AKAP7: variants seen among roughly 807,000 people sequenced by gnomAD.
AKAP7 encodes A kinase (PRKA) anchor protein 7.
A neutral mutation model predicts 39.5 loss-of-function variants in AKAP7; 39 were observed. That is an observed-to-expected ratio of 0.99 (90% CI 0.76 to 1.29). The LOEUF is 1.29. AKAP7 is among the 50% of genes most tolerant of loss of function. The pLI, the probability that AKAP7 is intolerant of heterozygous loss-of-function variation, is 0.00. For missense variants in AKAP7, 414 were observed against 407.7 expected (o/e 1.02, Z -0.13); for synonymous variants, 140 against 139.1 (o/e 1.01, Z -0.05).
At chr6:131,226,397 G>A (rs1810170466) in intron 7 of AKAP7, among the ~76,000 whole-genome samples, 1 of 152,224 alleles carries the variant, frequency 6.6e-6, no homozygotes, top group Non-Finnish European at 1.5e-5. Context: ...AGCTTTGGGT[G>A]ACATTATGCC....
chr6:131,221,804 C>T (rs993541727), intron 7 of AKAP7, among the ~76,000 whole-genome samples: 1 of 151,948 alleles, frequency 6.6e-6, no homozygotes, highest in Non-Finnish European at 1.5e-5. Context: ...AACTACTGCT[C>T]AGAAAAAAAA....
intron 7 of AKAP7, among the ~76,000 whole-genome samples, chr6:131,273,823 C>A (rs916824271): frequency 4.6e-5 from 7 of 151,918 alleles, no homozygotes; most frequent in African/African-American, 1.7e-4. Flanking sequence ...GACATTTCTT[C>A]TAGTGCTGGT....
intron 7 of AKAP7, among the ~76,000 whole-genome samples, chr6:131,241,609 G>GTATATACGTATATATA (rs1176516314): frequency 2.2e-5 from 3 of 135,446 alleles, no homozygotes; most frequent in African/African-American, 8.1e-5. Flanking sequence ...GTGTGTGTGT[G>GTATATACGTATATATA]TGTGTGTGTG....
upstream of AKAP7, among the ~76,000 whole-genome samples, chr6:131,133,388 C>T (rs1051212415): frequency 6.6e-6 from 1 of 152,054 alleles, no homozygotes; most frequent in African/African-American, 2.4e-5. Flanking sequence ...TTTGATAGTC[C>T]CCATTTGTCT....
At chr6:131,241,627 G>GTGTGTGTGTGTATATATA in intron 7 of AKAP7, among the ~76,000 whole-genome samples, 1 of 86,638 alleles carries the variant, frequency 1.2e-5, no homozygotes, top group African/African-American at 5.0e-5. Flanking sequence ...GTGTGTGTGT[G>GTGTGTGTGTGTATATATA]TATATATATA....
intron 2 of AKAP7, among the ~76,000 whole-genome samples, chr6:131,155,608 C>T (rs1802349464): frequency 6.6e-6 from 1 of 152,074 alleles, no homozygotes; most frequent in South Asian, 2.1e-4. Flanking sequence ...ATTTAATTTC[C>T]TATATGACTA....
chr6:131,205,789 A>G (rs918501203), intron 6 of AKAP7, among the ~76,000 whole-genome samples: 1 of 152,216 alleles, frequency 6.6e-6, no homozygotes, highest in Non-Finnish European at 1.5e-5. Context: ...TTGCATAATA[A>G]AACATCAAAA....
chr6:131,132,261 C>T (rs545291569), upstream of AKAP7, among the ~76,000 whole-genome samples: 2 of 150,936 alleles, frequency 1.3e-5, no homozygotes, highest in African/African-American at 2.4e-5. Flanking sequence ...TGCAGTGAGC[C>T]GAGATTGCGC....
At chr6:131,215,042 A>G (rs1319280595) in intron 6 of AKAP7, among the ~76,000 whole-genome samples, 2 of 152,220 alleles carry the variant, frequency 1.3e-5, no homozygotes, top group Non-Finnish European at 2.9e-5. Context: ...AAAAGTTCTT[A>G]GAACAGTGCC....
intron 7 of AKAP7, among the ~76,000 whole-genome samples, chr6:131,267,776 C>T (rs1294788404): frequency 6.6e-6 from 1 of 152,134 alleles, no homozygotes; most frequent in Non-Finnish European, 1.5e-5. Context: ...AAATATTTTC[C>T]CCTAGACGGA....
At chr6:131,187,497 TA>T (rs1409160014) in intron 5 of AKAP7, among the ~76,000 whole-genome samples, 1 of 152,118 alleles carries the variant, frequency 6.6e-6, no homozygotes, top group Non-Finnish European at 1.5e-5. Context: ...ACTTTAAAAA[TA>T]AAGGCCTTTT....
At position 131,160,001 on chromosome 6, in the gene AKAP7, T is replaced by A. The variant is rs918490399; in HGVS notation, c.152-58T>A. On this transcript the variant is annotated intron_variant, in intron 2 of 7. Transcript: ENST00000431975. ...CTTATATATTGCTTGTTTTTTTTTC[T>A]GACTGTATTATCTTTGTTTAAATGT... The A allele has an allele frequency of 8.7e-6, 12 of 1,381,130 alleles. No individual in the cohort carries two copies. The African/African-American group carries it at 1.8e-4, about 21-fold the overall frequency. 85.6% of individuals were successfully genotyped at this position (1,381,130 alleles called of 1,614,324 possible).
intron 5 of AKAP7, among the ~76,000 whole-genome samples, chr6:131,198,979 C>T (rs2128280628): frequency 6.6e-6 from 1 of 152,308 alleles, no homozygotes; most frequent in South Asian, 2.1e-4. Flanking sequence ...CATCTCCTTA[C>T]ACAAGACCTT....
intron 3 of AKAP7, 108 bp from the exon 4 acceptor site, chr6:131,164,973 T>C (rs1188358088): frequency 1.2e-6 from 1 of 823,354 alleles, no homozygotes; most frequent in East Asian, 2.7e-5. Flanking sequence ...AACATTGTTC[T>C]AATTTTGGTT....
chr6:131,261,491 C>T (rs901348190), intron 7 of AKAP7, among the ~76,000 whole-genome samples: 3 of 151,866 alleles, frequency 2.0e-5, no homozygotes, highest in South Asian at 4.1e-4. Context: ...TTAATTTTCT[C>T]TAAAATTAGT....
the AKAP7 span, among the ~76,000 whole-genome samples, chr6:131,127,279 C>T: frequency 6.6e-6 from 1 of 152,108 alleles, no homozygotes; most frequent in East Asian, 1.9e-4. Context: ...AAGTCATCTG[C>T]CCACCTTGGC....
chr6:131,270,300 T>A (rs1351652793), intron 7 of AKAP7, among the ~76,000 whole-genome samples: 2 of 152,232 alleles, frequency 1.3e-5, no homozygotes. Flanking sequence ...TTTTCCAGAA[T>A]GTCATATAAA....
intron 4 of AKAP7, among the ~76,000 whole-genome samples, chr6:131,168,587 A>G (rs1221670139): frequency 6.6e-6 from 1 of 152,226 alleles, no homozygotes; most frequent in Non-Finnish European, 1.5e-5. Context: ...TGGGGAATAT[A>G]ATTAAACTTG....
chr6:131,268,711 A>G (rs145022092), intron 7 of AKAP7, among the ~76,000 whole-genome samples: 29 of 152,338 alleles, frequency 1.9e-4, no homozygotes, highest in African/African-American at 7.0e-4. Flanking sequence ...ATCAATTCCT[A>G]GCCTAGGATA....
Sources: gnomAD v4.1 joint callset for allele counts (sites outside exome capture counted in the v4.1 genomes callset) on GRCh38, gnomAD v4.1.1 for gene constraint, MANE v1.5 for transcripts, NCBI Gene and HGNC (gene_info 2026-07-23, HGNC 2026-07-21) for gene names.